Variants in KDM8 observed in about 807,000 individuals in gnomAD.
The protein encoded by KDM8 is lysine demethylase 8, also known as bifunctional peptidase and arginyl-hydroxylase JMJD5.
In KDM8, 35 loss-of-function variants were observed where a neutral mutation model predicts 46.9. The observed-to-expected ratio is 0.75, with a 90% CI of 0.57 to 0.99. KDM8 has a LOEUF of 0.99. Among genes scored for constraint, KDM8 ranks in the 50% least tolerant of loss-of-function variants. The pLI, the probability that KDM8 is intolerant of heterozygous loss-of-function variation, is 0.00. For missense variants in KDM8, 475 were observed against 537.0 expected (o/e 0.88, Z 1.14); for synonymous variants, 232 against 227.7 (o/e 1.02, Z -0.17).
rs772047895 is a variant in KDM8, at chr16:27,220,438, G to A, written c.1039G>A (p.Gly347Arg). The A allele has an allele frequency of 3.3e-5, 53 of 1,614,118 alleles. No homozygotes were observed. Among genetic ancestry groups the A allele is most frequent in the Non-Finnish European group, 4.4e-5 (52 of 1,180,010 alleles). Residue 347 changes from glycine to arginine, a missense_variant, in exon 7 of 8, where the codon GGG becomes AGG. By Grantham distance (125) the Gly-to-Arg change is moderately radical (BLOSUM62 -2). Coordinates refer to ENST00000286096, the MANE Select transcript of KDM8 (RefSeq NM_024773.3). ...YIRLYSPQESGALYPHDTHLL... is the reference protein window; with the variant it reads ...YIRLYSPQESRALYPHDTHLL... ...CCGGCTGTATTCCCCGCAGGAGTCAGGGGCTCTGTACCCTCATGACACGCA... is the reference window on the plus strand; with the variant it reads ...CCGGCTGTATTCCCCGCAGGAGTCAAGGGCTCTGTACCCTCATGACACGCA...
At chr16:27,219,155 C>CAGGTGT in intron 6 of KDM8, 45 bp downstream of exon 6, 1 of 1,546,872 alleles carries the variant, frequency 6.5e-7, no homozygotes, top group Non-Finnish European at 8.8e-7. Context: ...TCCTCCTGGC[C>CAGGTGT]CAGACACCTG....
At chr16:27,204,993 T>G (rs2083413454) in intron 1 of KDM8, among the ~76,000 whole-genome samples, 1 of 152,142 alleles carries the variant, frequency 6.6e-6, no homozygotes, top group South Asian at 2.1e-4. Flanking sequence ...GCCAGTGCAC[T>G]CCAGCCTGGG....
intron 5 of KDM8, among the ~76,000 whole-genome samples, chr16:27,218,658 A>G (rs1302745816): frequency 1.3e-5 from 2 of 152,210 alleles, no homozygotes; most frequent in Non-Finnish European, 2.9e-5. Context: ...CCTATGCAAC[A>G]TGGCGAAACC....
chr16:27,212,076 A>G (rs753051586), intron 2 of KDM8, among the ~76,000 whole-genome samples: 33 of 152,236 alleles, frequency 2.2e-4, no homozygotes, highest in African/African-American at 7.5e-4. Context: ...ATGTCAGACA[A>G]TGAATATCTC....
At chr16:27,203,959 G>C (rs2083401081) in intron 1 of KDM8, 1 of 631,208 alleles carries the variant, frequency 1.6e-6, no homozygotes, top group Admixed American at 3.6e-5. Flanking sequence ...TCTTGGCGTC[G>C]CGTTGGTGTA....
In KDM8 at chr16:27,220,281, A is replaced by G. The variant is rs2083603293; in HGVS notation, c.994-112A>G. 6 of 833,036 alleles carry G rather than the reference A, an allele frequency of 7.2e-6. No individual in the cohort carries two copies. In the Admixed American group the frequency reaches 1.1e-4, roughly 15 times the overall value. The allele number at this position is 833,036 out of a possible 1,614,324, so 51.6% of individuals were successfully genotyped here. A position where few individuals can be genotyped will look rare whatever the true frequency, so the allele number is the denominator to read the frequency against. ...AACCATAAGCATGTGTGTGGTGGGG[A>G]AGGGCAGGCTGGGCCCAGGGAGCAG... On this transcript the variant is annotated intron_variant, in intron 6 of 7. Transcript: ENST00000286096.
At chr16:27,207,948 G>C (rs569471883) in intron 1 of KDM8, among the ~76,000 whole-genome samples, 1 of 152,206 alleles carries the variant, frequency 6.6e-6, no homozygotes, top group African/African-American at 2.4e-5. Flanking sequence ...AATCTGAAAA[G>C]CCATTTTGAA....
intron 4 of KDM8, 72 bp from the exon 5 acceptor site, chr16:27,215,867 GGACAGC>G (rs1322110609): frequency 2.9e-4 from 420 of 1,447,562 alleles, no homozygotes; most frequent in Non-Finnish European, 3.5e-4. Context: ...GGGGCCAGCT[GGACAGC>G]AGCAGCAGGA....
intron 1 of KDM8, chr16:27,204,001 T>G: frequency 1.9e-6 from 2 of 1,074,570 alleles, no homozygotes; most frequent in Non-Finnish European, 2.7e-6. Flanking sequence ...TTTTATACTC[T>G]GCTATATGTG....
intron 5 of KDM8, among the ~76,000 whole-genome samples, chr16:27,216,342 G>A (rs143396682): frequency 6.6e-6 from 1 of 152,234 alleles, no homozygotes; most frequent in Non-Finnish European, 1.5e-5. Context: ...GGGTGGATGT[G>A]TGGGGGAGGG....
At chr16:27,208,466 G>A (rs753572705) in intron 1 of KDM8, among the ~76,000 whole-genome samples, 1 of 152,322 alleles carries the variant, frequency 6.6e-6, no homozygotes, top group Non-Finnish European at 1.5e-5. Flanking sequence ...GAAACCCTCT[G>A]GGAGGCTGTT....
At chr16:27,215,155 AG>A in intron 4 of KDM8, 147 bp downstream of exon 4, 1 of 865,172 alleles carries the variant, frequency 1.2e-6, no homozygotes, top group South Asian at 1.6e-5. Flanking sequence ...GCAGCGAGGA[AG>A]GCAGGCTGCT....
chr16:27,212,456 G>A (rs1047127632), intron 2 of KDM8, among the ~76,000 whole-genome samples: 2 of 152,156 alleles, frequency 1.3e-5, no homozygotes, highest in Non-Finnish European at 2.9e-5. Flanking sequence ...TCTGCAGGCC[G>A]GGCATGGTGG....
chr16:27,216,245 GGCTGGGCTATT>G, intron 5 of KDM8: 1 of 559,676 alleles, frequency 1.8e-6, no homozygotes, highest in Non-Finnish European at 3.2e-6. Flanking sequence ...GCGGGTGGCT[GGCTGGGCTATT>G]GCTGTGGTGC....
chr16:27,204,382 C>A, intron 1 of KDM8: 1 of 1,282,686 alleles, frequency 7.8e-7, no homozygotes, highest in Non-Finnish European at 9.9e-7. Flanking sequence ...CTGTGTGCCC[C>A]TTAGAGAGCC....
In KDM8 at chr16:27,213,771, G is replaced by A; in HGVS notation, c.665+20G>A. The A allele has an allele frequency of 6.2e-7, 1 of 1,611,166 alleles. No homozygotes were observed. Among genetic ancestry groups the A allele is most frequent in the South Asian group, 1.1e-5 (1 of 90,884 alleles). On this transcript the variant is annotated intron_variant, in intron 3 of 7. Transcript: ENST00000286096. ...GTGGAGGTGGGTGGTCGCTGAGGGA[G>A]GTGAGGTCCCTTTTCCCATTTTAGC...
chr16:27,221,495 C>A lies in KDM8; in HGVS notation c.*765C>A. 1 of 152,900 alleles carries A rather than the reference C, an allele frequency of 6.5e-6. No homozygotes were observed. The highest frequency in any genetic ancestry group is 1.5e-5 in the Non-Finnish European group (1 of 68,526). 9.5% of individuals were successfully genotyped at this position (152,900 alleles called of 1,614,324 possible). ...TGCTGGATGACTTTTCACCCGCACT[C>A]ACCCAGGAGCAGGCTCCCAAGTGAA... On this transcript the variant is annotated 3_prime_UTR_variant, in exon 8 of 8. Transcript: ENST00000286096.
chr16:27,203,915 G>T (rs1283904764), intron 1 of KDM8: 4 of 531,248 alleles, frequency 7.5e-6, no homozygotes, highest in Non-Finnish European at 1.4e-5. Context: ...GTGAGGGCAG[G>T]CCCTTACGGC....
At chr16:27,216,246 G>A (rs1174506933) in intron 5 of KDM8, 3 of 557,868 alleles carry the variant, frequency 5.4e-6, no homozygotes, top group Non-Finnish European at 9.7e-6. Context: ...CGGGTGGCTG[G>A]CTGGGCTATT....
Sources: gnomAD v4.1 joint callset for allele counts (sites outside exome capture counted in the v4.1 genomes callset) on GRCh38, gnomAD v4.1.1 for gene constraint, MANE v1.5 for transcripts, NCBI Gene and HGNC (gene_info 2026-07-23, HGNC 2026-07-21) for gene names.